Variants in CNGA3 observed in about 807,000 individuals in gnomAD.
The protein encoded by CNGA3 is cyclic nucleotide gated channel subunit alpha 3.
CNGA3 carries 42 observed loss-of-function variants against 46.6 expected under a neutral mutation model. The ratio of observed to expected loss-of-function variants is 0.90; its 90% confidence interval spans 0.70 to 1.17. CNGA3 has a LOEUF of 1.17. Ranked by LOEUF, CNGA3 falls within the 50% of genes most tolerant of loss-of-function variation. The pLI, the probability that CNGA3 is intolerant of heterozygous loss-of-function variation, is 0.00. For missense variants in CNGA3, 893 were observed against 890.7 expected (o/e 1.00, Z -0.03); for synonymous variants, 394 against 369.4 (o/e 1.07, Z -0.76).
At chr2:98,363,811 C>G (rs927031527) in intron 1 of CNGA3, among the ~76,000 whole-genome samples, 2 of 152,116 alleles carry the variant, frequency 1.3e-5, no homozygotes, top group African/African-American at 4.8e-5. Flanking sequence ...ATCAGATCCA[C>G]TTGATCCAGA....
chr2:98,375,445 G>A (rs553809314), intron 2 of CNGA3, among the ~76,000 whole-genome samples: 38 of 152,312 alleles, frequency 2.5e-4, no homozygotes, highest in South Asian at 1.2e-3. Context: ...CCAGCTTCTC[G>A]AATCCAAGGA....
intron 1 of CNGA3, among the ~76,000 whole-genome samples, chr2:98,361,017 TTTTA>T (rs1274101191): frequency 4.4e-5 from 5 of 113,106 alleles, no homozygotes; most frequent in African/African-American, 1.5e-4. Context: ...TTTTATTTTA[TTTTA>T]TTTATTTTAT....
chr2:98,378,194 C>T, intron 3 of CNGA3: 1 of 1,550,288 alleles, frequency 6.5e-7, no homozygotes, highest in South Asian at 1.2e-5. Flanking sequence ...GGCAGGGTCT[C>T]CCGGGTGCTC....
At chr2:98,369,309 A>G (rs1692233068) in intron 1 of CNGA3, among the ~76,000 whole-genome samples, 1 of 152,260 alleles carries the variant, frequency 6.6e-6, no homozygotes, top group African/African-American at 2.4e-5. Context: ...CCACATTGAC[A>G]GGTGGATCTA....
Position 98,380,225 on chromosome 2 carries a change from A to C in CNGA3, c.266A>C (p.His89Pro), listed in dbSNP as rs775253368. 6.2e-7 allele frequency: 1 copy of C among 1,614,154 alleles called. No individual in the cohort carries two copies. The highest frequency in any genetic ancestry group is 1.3e-5 in the African/African-American group (1 of 75,022). Residue 89 changes from histidine (H) to proline (P), a missense_variant, in exon 4 of 8, where the codon CAC becomes CCC. His to Pro is a moderately conservative substitution (Grantham distance 77, BLOSUM62 -2). Transcript: ENST00000272602. Reference protein sequence around the residue: ...LLRRWAARHVHHQDQGPDSFP... With the variant: ...LLRRWAARHVPHQDQGPDSFP... ...CGCAGGTGGGCTGCCAGGCATGTGC[A>C]CCACCAGGACCAGGGACCGGACTCT...
chr2:98,394,226 G>T (rs1000233639), intron 7 of CNGA3, among the ~76,000 whole-genome samples: 3 of 152,134 alleles, frequency 2.0e-5, no homozygotes, highest in Non-Finnish European at 4.4e-5. Context: ...AAAAAAGAAT[G>T]CAGGTCATGG....
chr2:98,359,664 C>T (rs975103621), intron 1 of CNGA3, among the ~76,000 whole-genome samples: 2 of 152,174 alleles, frequency 1.3e-5, no homozygotes, highest in Non-Finnish European at 2.9e-5. Flanking sequence ...CCTTCTGTCC[C>T]CAGCCCTAGG....
intron 1 of CNGA3, among the ~76,000 whole-genome samples, chr2:98,357,971 T>G (rs376088703): frequency 6.6e-5 from 10 of 152,262 alleles, no homozygotes; most frequent in African/African-American, 2.4e-4. Flanking sequence ...TTTCCTTATC[T>G]GCAAGATGAG....
chr2:98,365,303 A>T (rs1007660104), intron 1 of CNGA3, among the ~76,000 whole-genome samples: 2 of 152,204 alleles, frequency 1.3e-5, no homozygotes, highest in Non-Finnish European at 2.9e-5. Context: ...TTAGCTGGGC[A>T]TGGTGGCATA....
chr2:98,380,982 G>T (rs1464159835), intron 4 of CNGA3, among the ~76,000 whole-genome samples: 1 of 152,142 alleles, frequency 6.6e-6, no homozygotes, highest in African/African-American at 2.4e-5. Flanking sequence ...CAGAACTGGG[G>T]CCTCTCTGCA....
rs1399950885 is a variant in CNGA3, at chr2:98,377,738, C to T, written c.153C>T (p.Ala51=). ...CGTCAGTGCTGCAGCCGGGGATCGC[C>T]ATGGAGACCAGAGGACTGGCTGACT... ...ETSSVLQPGI[A]METRGLADSG... is the part of the protein sequence containing the mutation. The change falls in exon 3 of 8, where the codon GCC becomes GCT. Residue 51 remains alanine, a synonymous_variant. Coordinates refer to ENST00000272602, the MANE Select transcript of CNGA3 (RefSeq NM_001298.3). 1 of 1,613,398 alleles carries T rather than the reference C, an allele frequency of 6.2e-7. No individual in the cohort carries two copies. The highest frequency in any genetic ancestry group is 1.1e-5 in the South Asian group (1 of 90,976).
intron 1 of CNGA3, among the ~76,000 whole-genome samples, chr2:98,351,745 T>C (rs1691774887): frequency 6.6e-6 from 1 of 152,234 alleles, no homozygotes; most frequent in Non-Finnish European, 1.5e-5. Context: ...ATTAATGTCA[T>C]ATTTTGGCAT....
rs2104175689 is a variant in CNGA3, at chr2:98,370,069, CT to C, written c.95del (p.Leu32ProfsTer141). The C allele has an allele frequency of 6.2e-7, 1 of 1,612,684 alleles. No homozygotes were observed. Among genetic ancestry groups the C allele is most frequent in the African/African-American group, 1.3e-5 (1 of 75,016 alleles). ...AGATCTCAATCGCGCTGAAAATGGC[CT>C]CAGCAGGTAAGATGGGCTAAGATGG... ...DRDLNRAENGLSRAHSSSEET... is the reference protein window; with the variant it reads ...DRDLNRAENGXSRAHSSSEET... On this transcript the variant is annotated frameshift_variant, in exon 2 of 8. Coordinates refer to ENST00000272602, the MANE Select transcript of CNGA3 (RefSeq NM_001298.3). LOFTEE classifies it high-confidence loss of function.
chr2:98,357,122 GT>G (rs753721892), intron 1 of CNGA3, among the ~76,000 whole-genome samples: 6 of 152,174 alleles, frequency 3.9e-5, no homozygotes, highest in Non-Finnish European at 5.9e-5. Context: ...AGAATAAAAT[GT>G]TTTTTAGGTA....
In CNGA3 at chr2:98,362,173, C is replaced by CTTT. The variant is rs1231791527; in HGVS notation, c.-37-7745_-37-7743dup. ...AGTGTCTTTTCATGTCCTTTGCCCA[C>CTTT]TTTTTTTTTTTTTTTTTTTTTTTGA... On this transcript the variant is annotated intron_variant, in intron 1 of 7. Coordinates refer to ENST00000272602, the MANE Select transcript of CNGA3 (RefSeq NM_001298.3). Among the ~76,000 whole-genome samples, 272 of 89,818 alleles carry CTTT rather than the reference C, an allele frequency of 3.0e-3. 1 individual carries two copies. The highest frequency in any genetic ancestry group is 4.1e-3 in the Non-Finnish European group (180 of 44,404). 58.9% of individuals were successfully genotyped at this position (89,818 alleles called of 152,430 possible).
intron 7 of CNGA3, 76 bp downstream of exon 7, chr2:98,392,046 G>A (rs1211010715): frequency 7.8e-7 from 1 of 1,285,074 alleles, no homozygotes; most frequent in East Asian, 2.3e-5. Context: ...ATGGTGGATG[G>A]GACATTACCT....
chr2:98,384,854 T>C (rs1357213020), intron 5 of CNGA3, among the ~76,000 whole-genome samples: 1 of 152,210 alleles, frequency 6.6e-6, no homozygotes, highest in African/African-American at 2.4e-5. Flanking sequence ...CTCACTTCAC[T>C]GGTCCACTTT....
intron 1 of CNGA3, among the ~76,000 whole-genome samples, chr2:98,361,631 C>T (rs760664079): frequency 6.6e-6 from 1 of 151,736 alleles, no homozygotes; most frequent in Non-Finnish European, 1.5e-5. Context: ...GTTGAACTAA[C>T]TTACACTCCC....
At chr2:98,379,991 G>A (rs1402731468) in intron 3 of CNGA3, 184 bp from the exon 4 acceptor site, 2 of 677,986 alleles carry the variant, frequency 2.9e-6, no homozygotes, top group Non-Finnish European at 5.2e-6. Context: ...TCCCCATGGG[G>A]CAGAGATGCA....
Sources: gnomAD v4.1 joint callset for allele counts (sites outside exome capture counted in the v4.1 genomes callset) on GRCh38, gnomAD v4.1.1 for gene constraint, MANE v1.5 for transcripts, NCBI Gene and HGNC (gene_info 2026-07-23, HGNC 2026-07-21) for gene names.